Variants in XKR9 observed in about 807,000 individuals in gnomAD.
The protein encoded by XKR9 is XK related 9.
XKR9 carries 32 observed loss-of-function variants against 32.0 expected under a neutral mutation model. That is an observed-to-expected ratio of 1.00 (90% CI 0.76 to 1.34). The LOEUF is 1.34. XKR9 is among the 40% of genes most tolerant of loss of function. XKR9 has a pLI of 0.00. For missense variants in XKR9, 546 were observed against 429.7 expected (o/e 1.27, Z -2.39); for synonymous variants, 168 against 143.4 (o/e 1.17, Z -1.22).
intron 4 of XKR9, among the ~76,000 whole-genome samples, chr8:70,726,445 T>C (rs1035854127): frequency 3.3e-5 from 5 of 152,216 alleles, no homozygotes; most frequent in Non-Finnish European, 5.9e-5. Context: ...AATGAAAAAT[T>C]ACAGTTGAGC....
the XKR9 span, among the ~76,000 whole-genome samples, chr8:70,996,508 T>C: frequency 2.4e-4 from 37 of 152,248 alleles, no homozygotes; most frequent in African/African-American, 8.7e-4. Flanking sequence ...ATTAATTGAA[T>C]AGATTTTAAT....
At chr8:71,061,849 A>C in the XKR9 span, among the ~76,000 whole-genome samples, 1 of 152,186 alleles carries the variant, frequency 6.6e-6, no homozygotes, top group African/African-American at 2.4e-5. Context: ...TTCTGAGTAC[A>C]TCCTAGTATA....
At chr8:70,984,184 G>T in the XKR9 span, among the ~76,000 whole-genome samples, 3 of 152,178 alleles carry the variant, frequency 2.0e-5, no homozygotes, top group African/African-American at 7.2e-5. Flanking sequence ...AATGAGAAGT[G>T]CCTGTAATCT....
At chr8:70,950,039 A>G in the XKR9 span, among the ~76,000 whole-genome samples, 1 of 152,226 alleles carries the variant, frequency 6.6e-6, no homozygotes, top group African/African-American at 2.4e-5. Context: ...GCATTCCAGC[A>G]TAATAGTTAA....
At chr8:70,678,937 T>G (rs748337507) in intron 2 of XKR9, among the ~76,000 whole-genome samples, 3 of 152,204 alleles carry the variant, frequency 2.0e-5, no homozygotes, top group Non-Finnish European at 2.9e-5. Flanking sequence ...TGTTAACTGG[T>G]CTGGCTGCCA....
the XKR9 span, among the ~76,000 whole-genome samples, chr8:70,936,377 T>G: frequency 1.3e-3 from 201 of 152,196 alleles, no homozygotes; most frequent in Admixed American, 2.2e-3. Flanking sequence ...TTCCTTACAC[T>G]GGAAGAGCCC....
chr8:70,739,093 G>A (rs1806916655), downstream of XKR9, among the ~76,000 whole-genome samples: 1 of 151,954 alleles, frequency 6.6e-6, no homozygotes, highest in Non-Finnish European at 1.5e-5. Context: ...TTATTATTGT[G>A]TGGGAATCTA....
the XKR9 span, among the ~76,000 whole-genome samples, chr8:70,890,909 G>GATCAATT: frequency 4.6e-5 from 7 of 151,834 alleles, no homozygotes; most frequent in South Asian, 2.1e-4. Context: ...TTCTGCAGCA[G>GATCAATT]ATCAATTAGT....
chr8:70,769,748 G>A (rs2380689), intron 2 of XKR9, among the ~76,000 whole-genome samples: 80,613 of 151,090 alleles, frequency 0.53, 22,469 homozygotes, highest in Middle Eastern at 0.62. Context: ...ATACTTGTGT[G>A]TGCTTCACAA....
the XKR9 span, among the ~76,000 whole-genome samples, chr8:70,876,908 TGTC>T: frequency 1.3e-5 from 2 of 152,164 alleles, no homozygotes; most frequent in Admixed American, 6.6e-5. Flanking sequence ...AAAATAATAA[TGTC>T]GTACTGTTTT....
chr8:70,830,508 G>A, the XKR9 span, among the ~76,000 whole-genome samples: 3 of 152,200 alleles, frequency 2.0e-5, no homozygotes, highest in African/African-American at 7.2e-5. Context: ...GATCACTTGG[G>A]CCTGGGAGGT....
At chr8:70,824,413 T>G in the XKR9 span, among the ~76,000 whole-genome samples, 1 of 152,118 alleles carries the variant, frequency 6.6e-6, no homozygotes, top group East Asian at 1.9e-4. Flanking sequence ...TGATTGACCC[T>G]TCTTATTTAG....
chr8:70,738,263 G>T (rs1210359492), downstream of XKR9, among the ~76,000 whole-genome samples: 13 of 143,628 alleles, frequency 9.1e-5, no homozygotes, highest in Non-Finnish European at 1.7e-4. Flanking sequence ...GTGTAGAGGT[G>T]TTTATAGTAT....
chr8:70,716,221 C>T (rs112107460), intron 4 of XKR9, among the ~76,000 whole-genome samples: 7 of 152,042 alleles, frequency 4.6e-5, no homozygotes, highest in African/African-American at 1.7e-4. Context: ...AGTGAGGAAA[C>T]AAGGCAGTTG....
At chr8:70,697,928 G>T (rs979833200) in intron 3 of XKR9, among the ~76,000 whole-genome samples, 2 of 151,740 alleles carry the variant, frequency 1.3e-5, no homozygotes, top group African/African-American at 4.8e-5. Flanking sequence ...TGTATGTGTC[G>T]AGGAATTTAT....
chr8:70,801,538 C>T, the XKR9 span, among the ~76,000 whole-genome samples: 869 of 151,782 alleles, frequency 5.7e-3, 9 homozygotes, highest in African/African-American at 0.019. Flanking sequence ...GTGTTTGGCA[C>T]GGTTTCTTTT....
chr8:70,955,328 T>G, the XKR9 span, among the ~76,000 whole-genome samples: 1 of 152,174 alleles, frequency 6.6e-6, no homozygotes, highest in African/African-American at 2.4e-5. Flanking sequence ...ACTAATTCTA[T>G]CAGTCTTCAG....
intron 4 of XKR9, among the ~76,000 whole-genome samples, chr8:70,732,987 A>T (rs1213838806): frequency 1.3e-5 from 2 of 152,138 alleles, no homozygotes; most frequent in African/African-American, 4.8e-5. Flanking sequence ...GTGTGGTGGC[A>T]TGGGCCTGTA....
chr8:71,010,119 A>G, the XKR9 span, among the ~76,000 whole-genome samples: 1 of 152,180 alleles, frequency 6.6e-6, no homozygotes, highest in African/African-American at 2.4e-5. Flanking sequence ...AAAGAGGGAT[A>G]ATTTCCCACC....
Sources: allele counts gnomAD v4.1 joint callset (sites outside exome capture counted in the v4.1 genomes callset), GRCh38; gene constraint gnomAD v4.1.1; transcripts MANE v1.5; gene names NCBI Gene and HGNC (gene_info 2026-07-23, HGNC 2026-07-21).